The following GABRD variants were observed in gnomAD, a reference collection of about 807,000 sequenced individuals.
GABRD encodes the protein gamma-aminobutyric acid receptor subunit delta.
A neutral mutation model predicts 47.3 loss-of-function variants in GABRD; 25 were observed. The observed-to-expected ratio is 0.53, with a 90% CI of 0.39 to 0.74. The LOEUF (loss-of-function observed/expected upper bound fraction) is 0.74, where lower values mean the gene tolerates loss of function less well. Ranked by LOEUF, GABRD falls within the 30% of genes least tolerant of loss-of-function variation. The pLI is 0.00. For missense variants in GABRD, 497 were observed against 643.4 expected (o/e 0.77, Z 2.46); for synonymous variants, 314 against 278.8 (o/e 1.13, Z -1.26).
Position 2,027,666 on chromosome 1 carries a change from G to A in GABRD, c.553+7G>A. On this transcript the variant is annotated splice_region_variant and intron_variant, in intron 5 of 8. Transcript: ENST00000378585. Reference sequence around the variant, plus strand: ...ATGCTGGACCTGGAGAGCTGTGAGTGGGTGTGCAAGGCGGGTAGGGGCTTC... The same window carrying A: ...ATGCTGGACCTGGAGAGCTGTGAGTAGGTGTGCAAGGCGGGTAGGGGCTTC... 1 of 1,612,918 alleles carries A rather than the reference G, an allele frequency of 6.2e-7. No individual in the cohort carries two copies. Among genetic ancestry groups the A allele is most frequent in the Admixed American group, 1.7e-5 (1 of 59,992 alleles).
intron 1 of GABRD, chr1:2,022,471 T>C (rs1403589499): frequency 2.0e-5 from 3 of 152,264 alleles, no homozygotes; most frequent in African/African-American, 7.2e-5. Flanking sequence ...GTGAGCTTCG[T>C]GGCGGGGGCT....
rs746705511 is a variant in GABRD at position 2,025,385 on chromosome 1, T to A, written c.233T>A (p.Ile78Asn). 1 of 1,612,944 alleles carries A rather than the reference T, an allele frequency of 6.2e-7. No homozygotes were observed. Among genetic ancestry groups the A allele is most frequent in the Non-Finnish European group, 8.5e-7 (1 of 1,179,966 alleles). ...LALEVASIDH[I>N]SEANMEYTMT... ...CTGGAGGTGGCCAGCATCGACCACA[T>A]CTCAGAGGCCAACATGGTAGGTGCC... Residue 78 changes from isoleucine to asparagine, a missense_variant, in exon 3 of 9, where the codon ATC (isoleucine) becomes AAC (asparagine). By Grantham distance (149) the Ile-to-Asn change is moderately radical (BLOSUM62 -3). Transcript: ENST00000378585.
Position 2,029,214 on chromosome 1 carries a change from C to G in GABRD, c.795C>G (p.Ser265=), listed in dbSNP as rs755641877. ...YMPSVLLVAM[S]WVSFWISQAA... Reference sequence around the variant, plus strand: ...CCTCCGTCCTGCTGGTCGCCATGTCCTGGGTCTCCTTCTGGATCAGCCAGG... The same window carrying G: ...CCTCCGTCCTGCTGGTCGCCATGTCGTGGGTCTCCTTCTGGATCAGCCAGG... Residue 265 remains serine (S), a synonymous_variant, in exon 7 of 9, where the codon TCC becomes TCG. Coordinates refer to ENST00000378585, the MANE Select transcript of GABRD (RefSeq NM_000815.5). The G allele has an allele frequency of 3.2e-6, 5 of 1,573,264 alleles. No homozygotes were observed. In the African/African-American group the frequency reaches 5.4e-5, roughly 17 times the overall value.
At chr1:2,027,728 G>A in intron 5 of GABRD, 69 bp downstream of exon 5, 1 of 1,404,154 alleles carries the variant, frequency 7.1e-7, no homozygotes, top group South Asian at 1.2e-5. Flanking sequence ...GTCAGCCCGG[G>A]GCCTGGACAA....
Position 2,028,388 on chromosome 1 carries a change from G to A in GABRD, c.691+96G>A. Reference sequence around the variant, plus strand: ...CGCGCGCCCACCGCCCCTTCCGCGTGCGCCCGCCTGTGGTTTTCATGCTTT... The same window carrying A: ...CGCGCGCCCACCGCCCCTTCCGCGTACGCCCGCCTGTGGTTTTCATGCTTT... On this transcript the variant is annotated intron_variant, in intron 6 of 8. Transcript: ENST00000378585. The surrounding 1 kb of genome is among the most constrained non-coding windows in gnomAD (Gnocchi z 6.4). 1 of 1,263,302 alleles carries A rather than the reference G, an allele frequency of 7.9e-7. No homozygotes were observed. The highest frequency in any genetic ancestry group is 1.0e-6 in the Non-Finnish European group (1 of 984,676). 78.3% of individuals were successfully genotyped at this position (1,263,302 alleles called of 1,614,324 possible). A position where few individuals can be genotyped will look rare whatever the true frequency, so the allele number is the denominator to read the frequency against.
intron 4 of GABRD, chr1:2,027,282 G>T: frequency 2.1e-6 from 1 of 481,046 alleles, no homozygotes. Flanking sequence ...CCATCGCTCG[G>T]GCCAGGGCCT....
chr1:2,021,435 C>T (rs527347876), intron 1 of GABRD, among the ~76,000 whole-genome samples: 26 of 152,304 alleles, frequency 1.7e-4, no homozygotes, highest in Admixed American at 3.9e-4. Context: ...CCAGGACAGC[C>T]GCCCTCCCTT....
rs576082385 is a variant in GABRD at position 2,029,765 on chromosome 1, G to A, written c.1059+3G>A. On this transcript the variant is annotated splice_donor_region_variant and intron_variant, in intron 8 of 8. Coordinates refer to ENST00000378585, the MANE Select transcript of GABRD (RefSeq NM_000815.5). ...AGGTCTCCAGGCCGAGGGCAGAGGT[G>A]AGGGCCTGGGGCCGAGCCAGGGACA... The A allele has an allele frequency of 5.0e-6, 8 of 1,610,620 alleles. No homozygotes were observed. The highest frequency in any genetic ancestry group is 3.3e-5 in the South Asian group (3 of 91,040).
At chr1:2,020,008 G>A (rs1042900567) in intron 1 of GABRD, among the ~76,000 whole-genome samples, 24 of 152,244 alleles carry the variant, frequency 1.6e-4, no homozygotes, top group African/African-American at 5.8e-4. Flanking sequence ...CCCGGCCTCC[G>A]GGGTCTCCTT....
chr1:2,027,695 A>C, intron 5 of GABRD, 36 bp downstream of exon 5: 1 of 1,568,106 alleles, frequency 6.4e-7, no homozygotes, highest in Non-Finnish European at 8.8e-7. Flanking sequence ...GGGCTTCTCC[A>C]GCAGTGGATG....
rs1323561079 is a variant in GABRD, at chr1:2,028,086, G to A, written c.554-69G>A. 5.8e-6 allele frequency: 9 copies of A among 1,544,910 alleles called. No homozygotes were observed. Among genetic ancestry groups the A allele is most frequent in the East Asian group, 2.3e-5 (1 of 43,616 alleles). ...CCCCCTGCAGGCTTCCTGTGTGGAC[G>A]GAGCGCTCCTGCCAGGGCTCCCGGG... On this transcript the variant is annotated intron_variant, in intron 5 of 8. Coordinates refer to ENST00000378585, the MANE Select transcript of GABRD (RefSeq NM_000815.5). This position sits in a 1 kb window ranked among gnomAD's most constrained non-coding sequence, Gnocchi z 6.4.
At chr1:2,024,762 C>G (rs1163648125) in intron 1 of GABRD, 180 bp from the exon 2 acceptor site, 16 of 554,914 alleles carry the variant, frequency 2.9e-5, no homozygotes, top group Non-Finnish European at 4.6e-5. Flanking sequence ...TCCCGGGGTT[C>G]CCTGTGTCCA....
At position 2,030,072 on chromosome 1, in the gene GABRD, C is replaced by A; in HGVS notation, c.1149C>A (p.Val383=). The change falls in exon 9 of 9, where the codon GTC becomes GTA. Residue 383 remains valine (V), a synonymous_variant. Coordinates refer to ENST00000378585, the MANE Select transcript of GABRD (RefSeq NM_000815.5). ...ELAISRRQRR[V]PGNLMGSYRS... is the part of the protein sequence containing the mutation. ...CCATCTCCCGCCGGCAGCGCCGCGT[C>A]CCGGGGAACCTGATGGGCTCCTACA... 2 of 1,609,008 alleles carry A rather than the reference C, an allele frequency of 1.2e-6. No homozygotes were observed.
chr1:2,023,343 G>A (rs112620189), intron 1 of GABRD, among the ~76,000 whole-genome samples: 1 of 152,018 alleles, frequency 6.6e-6, no homozygotes, highest in African/African-American at 2.4e-5. Flanking sequence ...ACGGGGTGGG[G>A]CTGGTGGCCC....
intron 6 of GABRD, 96 bp from the exon 7 acceptor site, chr1:2,029,015 G>A (rs1489019745): frequency 4.8e-6 from 7 of 1,458,148 alleles, no homozygotes; most frequent in Non-Finnish European, 6.5e-6. Flanking sequence ...CTGAGCCCTG[G>A]TGGGCCCCGT....
At position 2,025,699 on chromosome 1, in the gene GABRD, T is replaced by A; in HGVS notation, c.431T>A (p.Ile144Asn). ...GACGTGACGGTGGAGAACAAGCTCA[T>A]CCGGCTGCAGCCCGACGGCGTGATC... ...FHDVTVENKL[I>N]RLQPDGVILY... The change falls in exon 4 of 9, where the codon ATC becomes AAC. Residue 144 changes from isoleucine (I) to asparagine (N), a missense_variant. This residue lies in a region of GABRD where 285 missense variants were observed against 436.6 expected (regional missense o/e 0.65). Coordinates refer to ENST00000378585, the MANE Select transcript of GABRD (RefSeq NM_000815.5). The A allele has an allele frequency of 1.9e-6, 3 of 1,612,890 alleles. No individual in the cohort carries two copies. Among genetic ancestry groups the A allele is most frequent in the Non-Finnish European group, 2.5e-6 (3 of 1,179,982 alleles).
chr1:2,025,750 GC>G lies in GABRD; in HGVS notation c.470+15del, dbSNP rs758066086. The G allele has an allele frequency of 2.5e-6, 4 of 1,608,140 alleles. No individual in the cohort carries two copies. The highest frequency in any genetic ancestry group is 1.1e-5 in the South Asian group (1 of 90,958). On this transcript the variant is annotated intron_variant, in intron 4 of 8. Transcript: ENST00000378585. ...CTGTACAGCATCCGGTGAGCGGGCT[GC>G]CCACCCGGACTCCGGGGGAGAGCCT...
At chr1:2,022,643 C>A (rs1658811459) in intron 1 of GABRD, among the ~76,000 whole-genome samples, 1 of 152,268 alleles carries the variant, frequency 6.6e-6, no homozygotes, top group African/African-American at 2.4e-5. Context: ...CCCTTTGCGT[C>A]CGACCTTCAA....
chr1:2,025,935 C>T (rs1472428499), intron 4 of GABRD, 197 bp downstream of exon 4: 2 of 599,032 alleles, frequency 3.3e-6, no homozygotes, highest in South Asian at 2.0e-5. Context: ...CCAAGGTCGC[C>T]GACAGGAAGC....
Sources: gnomAD v4.1 joint callset for allele counts (sites outside exome capture counted in the v4.1 genomes callset) on GRCh38, gnomAD v4.1.1 for gene constraint, gnomAD v4.1.1 regional missense constraint, Gnocchi (gnomAD v3.1) non-coding constraint, MANE v1.5 for transcripts, NCBI Gene and HGNC (gene_info 2026-07-23, HGNC 2026-07-21) for gene names.